C12orf50: variants seen among roughly 807,000 people sequenced by gnomAD.
C12orf50 encodes uncharacterized protein C12orf50.
C12orf50 carries 35 observed loss-of-function variants against 61.6 expected under a neutral mutation model. The ratio of observed to expected loss-of-function variants is 0.57; its 90% CI spans 0.43 to 0.75. The LOEUF is 0.75. C12orf50 is among the 30% of genes least tolerant of loss of function. The probability of loss-of-function intolerance (pLI) is 0.00; values close to 1 mark genes in which losing one functional copy is unlikely to be tolerated. For missense variants in C12orf50, 475 were observed against 488.5 expected, an observed-to-expected ratio of 0.97 and a Z score of 0.26; for synonymous variants, 178 against 161.5, an observed-to-expected ratio of 1.10 and a Z score of -0.77.
intron 12 of C12orf50, among the ~76,000 whole-genome samples, chr12:87,980,603 G>A (rs1309658773): frequency 6.6e-6 from 1 of 152,062 alleles, no homozygotes; most frequent in Non-Finnish European, 1.5e-5. Context: ...CTGTGCTATG[G>A]GACATGCAGA....
At position 87,986,344 on chromosome 12, in the gene C12orf50, G is replaced by A; in HGVS notation, c.890C>T (p.Pro297Leu). 1 of 1,610,058 alleles carries A rather than the reference G, an allele frequency of 6.2e-7. No homozygotes were observed. The highest frequency in any genetic ancestry group is 2.2e-5 in the East Asian group (1 of 44,672). ...VKKRKWIYDE[P>L]QNFPNSGMQR... ...CATTCCAGAGTTAGGAAAGTTCTGT[G>A]GTTCATCATAAATCCATTTTCTTTT... Residue 297 changes from proline (P) to leucine (L), a missense_variant, in exon 10 of 13, where the codon CCA becomes CTA. By Grantham distance (98) the Pro-to-Leu change is moderately conservative. Transcript: ENST00000298699.
At chr12:87,983,053 A>G (rs750517839) in intron 12 of C12orf50, 50 bp downstream of exon 12, 1 of 1,142,122 alleles carries the variant, frequency 8.8e-7, no homozygotes, top group Admixed American at 2.3e-5. Context: ...TTGAAAACTT[A>G]TTCATTTTCA....
At chr12:88,029,688 C>T (rs995843980), upstream of C12orf50, among the ~76,000 whole-genome samples, 1 of 152,036 alleles carries the variant, frequency 6.6e-6, no homozygotes, top group Admixed American at 6.5e-5. Context: ...ATCTTCGTTT[C>T]TATAGAGGTT....
Position 88,012,248 on chromosome 12 carries a change from G to T in C12orf50, c.134-14058C>A, listed in dbSNP as rs191944271. ...TCATACATGAACATCTACTTTCTAT[G>T]CTTTGTCAATTTTCAAAACAAATTC... On this transcript the variant is annotated intron_variant, in intron 3 of 12. Transcript: ENST00000298699. 2.0e-4 allele frequency among the ~76,000 whole-genome samples: 30 copies of T among 152,192 alleles called. 1 individual carries two copies. In the East Asian group the frequency reaches 5.2e-3, roughly 26 times the overall value.
rs1162892835 is a variant in C12orf50 at position 87,980,437 on chromosome 12, T to G, written c.1220-81A>C. 6 of 1,240,606 alleles carry G rather than the reference T, an allele frequency of 4.8e-6. No individual in the cohort carries two copies. In the African/African-American group the frequency reaches 9.1e-5, roughly 19 times the overall value. The allele number at this position is 1,240,606 out of a possible 1,614,324, so 76.8% of individuals were successfully genotyped here. ...TTTTGTTCTTCTTTTGCTAATTACT[T>G]GCCGTAAATCTAAAGGCAAAGAAAA... is the stretch of plus-strand genomic sequence containing the variant. On this transcript the variant is annotated intron_variant, in intron 12 of 12. Coordinates refer to ENST00000298699, the MANE Select transcript of C12orf50 (RefSeq NM_152589.3).
intron 3 of C12orf50, among the ~76,000 whole-genome samples, chr12:88,001,532 T>C (rs2031654657): frequency 9.7e-6 from 1 of 103,588 alleles, no homozygotes; most frequent in African/African-American, 4.7e-5. Flanking sequence ...TTGCATCATC[T>C]TTTTTTTTTT....
At chr12:88,020,995 A>G (rs2032495985) in intron 3 of C12orf50, among the ~76,000 whole-genome samples, 1 of 152,204 alleles carries the variant, frequency 6.6e-6, no homozygotes, top group Non-Finnish European at 1.5e-5. Context: ...ACTTTTGAGA[A>G]CAGATACAAC....
At chr12:88,021,072 C>T (rs1410859592) in intron 3 of C12orf50, among the ~76,000 whole-genome samples, 1 of 152,010 alleles carries the variant, frequency 6.6e-6, no homozygotes, top group Non-Finnish European at 1.5e-5. Context: ...TAAATGACCA[C>T]ATCAGAAAGA....
chr12:87,980,255 G>C lies in C12orf50; in HGVS notation c.*76C>G. The C allele has an allele frequency of 6.9e-7, 1 of 1,439,566 alleles. No individual in the cohort carries two copies. The highest frequency in any genetic ancestry group is 9.7e-7 in the Non-Finnish European group (1 of 1,030,242). The allele number at this position is 1,439,566 out of a possible 1,614,324, so 89.2% of individuals were successfully genotyped here. ...GGAGTACTTGAGTATCTCATTCTTTGAATTTTCATTTTTGATTGTAAATCA... is the reference window on the plus strand; with the variant it reads ...GGAGTACTTGAGTATCTCATTCTTTCAATTTTCATTTTTGATTGTAAATCA... On this transcript the variant is annotated 3_prime_UTR_variant, in exon 13 of 13. Coordinates refer to ENST00000298699, the MANE Select transcript of C12orf50 (RefSeq NM_152589.3).
intron 3 of C12orf50, among the ~76,000 whole-genome samples, chr12:88,012,275 GT>G (rs959464318): frequency 1.3e-5 from 2 of 151,850 alleles, no homozygotes; most frequent in African/African-American, 2.4e-5. Flanking sequence ...AACAAATTCA[GT>G]TTTTTTTAAA....
At chr12:88,019,308 G>T (rs1646132943) in intron 3 of C12orf50, among the ~76,000 whole-genome samples, 1 of 152,180 alleles carries the variant, frequency 6.6e-6, no homozygotes, top group Non-Finnish European at 1.5e-5. Context: ...TGCCATCCAT[G>T]TAAGACGTGA....
Position 87,994,917 on chromosome 12 carries a change from C to A in C12orf50, c.482-174G>T, listed in dbSNP as rs910058515. Reference sequence around the variant, plus strand: ...AATACATGAGTTTTAAATTCTGTGTCAACAAAGAAGTAAGCAAGTATATTC... The same window carrying A: ...AATACATGAGTTTTAAATTCTGTGTAAACAAAGAAGTAAGCAAGTATATTC... On this transcript the variant is annotated intron_variant, in intron 6 of 12. Coordinates refer to ENST00000298699, the MANE Select transcript of C12orf50 (RefSeq NM_152589.3). 2.6e-5 allele frequency among the ~76,000 whole-genome samples: 4 copies of A among 152,056 alleles called. No homozygotes were observed. In the South Asian group the frequency reaches 6.2e-4, roughly 24 times the overall value.
At chr12:87,986,731 T>G (rs1045930506) in intron 9 of C12orf50, among the ~76,000 whole-genome samples, 3 of 152,178 alleles carry the variant, frequency 2.0e-5, no homozygotes, top group African/African-American at 7.2e-5. Context: ...ATAAATCTCA[T>G]TATAATGCTA....
chr12:88,022,958 T>C (rs2032570688), intron 3 of C12orf50, among the ~76,000 whole-genome samples: 1 of 152,158 alleles, frequency 6.6e-6, no homozygotes, highest in Non-Finnish European at 1.5e-5. Context: ...TCGAAGTTAT[T>C]TCTATCAAAC....
chr12:88,004,431 G>A (rs1363163464), intron 3 of C12orf50, among the ~76,000 whole-genome samples: 1 of 152,170 alleles, frequency 6.6e-6, no homozygotes, highest in African/African-American at 2.4e-5. Flanking sequence ...AAAAAGGAAT[G>A]CTTATACACT....
intron 6 of C12orf50, among the ~76,000 whole-genome samples, chr12:87,995,940 G>A (rs2031367670): frequency 6.6e-6 from 1 of 152,140 alleles, no homozygotes; most frequent in Non-Finnish European, 1.5e-5. Context: ...GAAATAGTCT[G>A]GTCCACAGAA....
rs925922682 is a variant in C12orf50 at position 88,000,248 on chromosome 12, A to C, written c.134-2058T>G. Among the ~76,000 whole-genome samples, 18 of 152,196 alleles carry C rather than the reference A, an allele frequency of 1.2e-4. 1 individual carries two copies. The highest frequency in any genetic ancestry group is 4.1e-4 in the African/African-American group (17 of 41,558). On this transcript the variant is annotated intron_variant, in intron 3 of 12. Transcript: ENST00000298699. ...CTACTTAATTACTTTGCATGTGACT[A>C]TCTAGTTGTCTTAGCACCATTTGTC...
chr12:88,027,197 C>A, intron 1 of C12orf50, 127 bp from the exon 2 acceptor site: 1 of 971,110 alleles, frequency 1.0e-6, no homozygotes, highest in Non-Finnish European at 1.4e-6. Flanking sequence ...TATACACTAT[C>A]AATTTTAGGC....
In C12orf50 at chr12:88,010,429, A is replaced by T. The variant is rs565308828; in HGVS notation, c.134-12239T>A. Among the ~76,000 whole-genome samples, 15 of 123,914 alleles carry T rather than the reference A, an allele frequency of 1.2e-4. 1 individual carries two copies. The South Asian group carries it at 2.9e-3, about 24-fold the overall frequency. 81.3% of individuals were successfully genotyped at this position (123,914 alleles called of 152,430 possible). Reference sequence around the variant, plus strand: ...ATAAGATTATAAGATTAAAATTATTATAATCTTATAATAAGATTATAAGAT... The same window carrying T: ...ATAAGATTATAAGATTAAAATTATTTTAATCTTATAATAAGATTATAAGAT... On this transcript the variant is annotated intron_variant, in intron 3 of 12. Transcript: ENST00000298699.
Sources: allele counts gnomAD v4.1 joint callset (sites outside exome capture counted in the v4.1 genomes callset), GRCh38; gene constraint gnomAD v4.1.1; transcripts MANE v1.5; gene names NCBI Gene and HGNC (gene_info 2026-07-23, HGNC 2026-07-21).